The following TMEM178B variants were observed in gnomAD, a reference collection of about 807,000 sequenced individuals.
TMEM178B encodes transmembrane protein 178B.
Under a neutral mutation model 31.0 loss-of-function variants are expected in TMEM178B, and 5 were observed. The observed-to-expected ratio is 0.16, with a 90% CI of 0.08 to 0.34. The LOEUF (loss-of-function observed/expected upper bound fraction) is 0.34, where lower values mean the gene tolerates loss of function less well. Ranked by LOEUF, TMEM178B falls within the 10% of genes least tolerant of loss-of-function variation. The probability of loss-of-function intolerance (pLI) is 1.00; values close to 1 mark genes in which losing one functional copy is unlikely to be tolerated. For synonymous variants in TMEM178B, 164 were observed against 164.0 expected (o/e 1.00, Z 0.00); for missense variants, 275 against 400.3 (o/e 0.69, Z 2.67).
At chr7:141,143,569 G>A (rs1226145651) in intron 1 of TMEM178B, among the ~76,000 whole-genome samples, 2 of 152,054 alleles carry the variant, frequency 1.3e-5, no homozygotes, top group East Asian at 3.8e-4. Context: ...CTGTTCCCTT[G>A]GTCTGTGTGT....
chr7:141,426,496 G>C (rs551850463), intron 2 of TMEM178B, among the ~76,000 whole-genome samples: 2 of 152,236 alleles, frequency 1.3e-5, no homozygotes, highest in Admixed American at 1.3e-4. Flanking sequence ...ACTTTTTAGG[G>C]AACTCTGCAA....
chr7:141,366,252 T>G (rs181915633), intron 2 of TMEM178B, among the ~76,000 whole-genome samples: 1 of 152,286 alleles, frequency 6.6e-6, no homozygotes, highest in Non-Finnish European at 1.5e-5. Context: ...TTTGACACAC[T>G]TCTCATTTTT....
At chr7:141,447,073 T>G (rs189396437) in intron 3 of TMEM178B, among the ~76,000 whole-genome samples, 152 of 152,238 alleles carry the variant, frequency 1.0e-3, no homozygotes, top group East Asian at 4.1e-3. Context: ...GCCTATTATG[T>G]GCCAGACACT....
At chr7:141,151,245 T>C (rs1277496213) in intron 1 of TMEM178B, among the ~76,000 whole-genome samples, 1 of 152,166 alleles carries the variant, frequency 6.6e-6, no homozygotes, top group East Asian at 1.9e-4. Context: ...TTAACAATAA[T>C]AATGGCTGCC....
intron 2 of TMEM178B, among the ~76,000 whole-genome samples, chr7:141,331,801 G>A (rs575194941): frequency 6.6e-6 from 1 of 152,332 alleles, no homozygotes; most frequent in East Asian, 1.9e-4. Context: ...CAGAAAGGGT[G>A]AGGGCTTTGG....
the TMEM178B span, among the ~76,000 whole-genome samples, chr7:141,488,722 G>A: frequency 6.6e-6 from 1 of 152,124 alleles, no homozygotes; most frequent in Non-Finnish European, 1.5e-5. Context: ...ACAGGCATGA[G>A]CCACCGCGCC....
intron 1 of TMEM178B, among the ~76,000 whole-genome samples, chr7:141,143,043 A>C (rs1388176133): frequency 1.3e-5 from 2 of 152,008 alleles, no homozygotes; most frequent in Admixed American, 1.3e-4. Flanking sequence ...GTGTCTGTTT[A>C]TGTTTTTTGC....
At chr7:141,285,325 G>A (rs1277373790) in intron 2 of TMEM178B, among the ~76,000 whole-genome samples, 1 of 149,806 alleles carries the variant, frequency 6.7e-6, no homozygotes, top group East Asian at 2.0e-4. Context: ...TAATTTTTTT[G>A]TATTTTTTTT....
chr7:141,442,872 G>T (rs1325295778), intron 3 of TMEM178B, among the ~76,000 whole-genome samples: 1 of 152,200 alleles, frequency 6.6e-6, no homozygotes, highest in Non-Finnish European at 1.5e-5. Flanking sequence ...TAGATTACAT[G>T]GTTCAGAATC....
At position 141,247,179 on chromosome 7, in the gene TMEM178B, A is replaced by G. The variant is rs1586848679; in HGVS notation, c.496+34475A>G. ...TAGATATTTATCTTTATACATAGAT[A>G]TCTCTCTATATATAGGTTTCTCTCT... On this transcript the variant is annotated intron_variant, in intron 2 of 3. Transcript: ENST00000565468. 3.5e-5 allele frequency among the ~76,000 whole-genome samples: 5 copies of G among 143,422 alleles called. No homozygotes were observed. The South Asian group carries it at 1.2e-3, about 34-fold the overall frequency. The allele number at this position is 143,422 out of a possible 152,430, so 94.1% of individuals were successfully genotyped here.
At position 141,475,550 on chromosome 7, in the gene TMEM178B, T is replaced by C. The variant is rs1296153460; in HGVS notation, c.*4764T>C. On this transcript the variant is annotated 3_prime_UTR_variant, in exon 4 of 4. Coordinates refer to ENST00000565468, the MANE Select transcript of TMEM178B (RefSeq NM_001195278.2). Reference sequence around the variant, plus strand: ...GGTCATGACCTCAAAACTTCCCCAATGAGTGCTTGTCTCTGGGTTGGCAGC... The same window carrying C: ...GGTCATGACCTCAAAACTTCCCCAACGAGTGCTTGTCTCTGGGTTGGCAGC... 6.6e-6 allele frequency: 1 copy of C among 152,204 alleles called. No individual in the cohort carries two copies. The highest frequency in any genetic ancestry group is 1.5e-5 in the Non-Finnish European group (1 of 68,056). The allele number at this position is 152,204 out of a possible 1,614,324, so 9.4% of individuals were successfully genotyped here.
chr7:141,116,091 T>A (rs1355580729), intron 1 of TMEM178B, among the ~76,000 whole-genome samples: 2 of 152,208 alleles, frequency 1.3e-5, no homozygotes, highest in Admixed American at 1.3e-4. Context: ...GTTTCATGTG[T>A]CCCACACTGA....
chr7:141,472,146 C>G lies in TMEM178B; in HGVS notation c.*1360C>G, dbSNP rs1431817783. 1 of 152,150 alleles carries G rather than the reference C, an allele frequency of 6.6e-6. No homozygotes were observed. Among genetic ancestry groups the G allele is most frequent in the Non-Finnish European group, 1.5e-5 (1 of 68,034 alleles). The allele number at this position is 152,150 out of a possible 1,614,324, so 9.4% of individuals were successfully genotyped here. On this transcript the variant is annotated 3_prime_UTR_variant, in exon 4 of 4. Transcript: ENST00000565468. ...CCCCATTATAGAAGCTGTCCTTTGT[C>G]ACTGGACATCTCCCCTTTCCCTAGG...
chr7:141,238,794 T>G (rs1797570020), intron 2 of TMEM178B, among the ~76,000 whole-genome samples: 1 of 152,066 alleles, frequency 6.6e-6, no homozygotes, highest in Non-Finnish European at 1.5e-5. Flanking sequence ...ACAGCGAGAG[T>G]GCTGCTGGGT....
intron 2 of TMEM178B, among the ~76,000 whole-genome samples, chr7:141,405,269 C>A (rs1466694188): frequency 6.6e-6 from 1 of 152,230 alleles, no homozygotes; most frequent in Non-Finnish European, 1.5e-5. Context: ...GACTCATGCC[C>A]AAAGACAGCC....
At chr7:141,410,505 CTCCTTCCTTCCT>C (rs1322991232) in intron 2 of TMEM178B, among the ~76,000 whole-genome samples, 1 of 146,402 alleles carries the variant, frequency 6.8e-6, no homozygotes, top group African/African-American at 2.5e-5. Flanking sequence ...CCTTCCTTCC[CTCCTTCCTTCCT>C]TCCTTCCTTT....
chr7:141,404,959 C>T (rs993192924), intron 2 of TMEM178B, among the ~76,000 whole-genome samples: 3 of 152,234 alleles, frequency 2.0e-5, no homozygotes, highest in East Asian at 3.9e-4. Context: ...TGAAGTTTCC[C>T]GTCCACCCCC....
intron 1 of TMEM178B, among the ~76,000 whole-genome samples, chr7:141,156,577 C>T (rs1796073927): frequency 6.6e-6 from 1 of 152,216 alleles, no homozygotes; most frequent in Non-Finnish European, 1.5e-5. Context: ...CTCCCAGTGA[C>T]TTCAGCAGAA....
chr7:141,076,108 T>C (rs1166937272), intron 1 of TMEM178B, among the ~76,000 whole-genome samples: 6 of 152,188 alleles, frequency 3.9e-5, no homozygotes, highest in African/African-American at 1.4e-4. Context: ...TGCTTCACAA[T>C]TGGGTTCTTA....
Sources: gnomAD v4.1 joint callset for allele counts (sites outside exome capture counted in the v4.1 genomes callset) on GRCh38, gnomAD v4.1.1 for gene constraint, MANE v1.5 for transcripts, NCBI Gene and HGNC (gene_info 2026-07-23, HGNC 2026-07-21) for gene names.